Variants in HDAC9 observed in about 807,000 individuals in gnomAD.
The protein encoded by HDAC9 is histone deacetylase 9, also known as MEF-2 interacting transcription repressor (MITR) protein.
A neutral mutation model predicts 139.4 loss-of-function variants in HDAC9; 41 were observed. The ratio of observed to expected loss-of-function variants is 0.29; its 90% CI spans 0.23 to 0.38. The LOEUF (loss-of-function observed/expected upper bound fraction) is 0.38, where lower values mean the gene tolerates loss of function less well. Among genes scored for constraint, HDAC9 ranks in the 10% least tolerant of loss-of-function variants. HDAC9 has a pLI of 1.00. For synonymous variants in HDAC9, 517 were observed against 476.2 expected (o/e 1.09, Z -1.12); for missense variants, 1,147 against 1,297.0 (o/e 0.88, Z 1.78).
At chr7:18,645,004 ATAAC>A (rs1427963256) in intron 9 of HDAC9, among the ~76,000 whole-genome samples, 4 of 152,182 alleles carry the variant, frequency 2.6e-5, no homozygotes, top group Admixed American at 2.0e-4. Context: ...TGTAAACATA[ATAAC>A]TAACATTTGT....
At chr7:18,795,542 G>T (rs1429832388) in intron 17 of HDAC9, among the ~76,000 whole-genome samples, 1 of 152,168 alleles carries the variant, frequency 6.6e-6, no homozygotes, top group Non-Finnish European at 1.5e-5. Flanking sequence ...AGTTTGCTTT[G>T]ATGAACATTC....
At chr7:18,224,390 T>A (rs770733988) in intron 2 of HDAC9, among the ~76,000 whole-genome samples, 12 of 152,188 alleles carry the variant, frequency 7.9e-5, no homozygotes, top group Non-Finnish European at 1.5e-4. Context: ...AATTTAAAAT[T>A]GTATTTAAAA....
At chr7:18,415,743 A>G (rs1788990108) in intron 1 of HDAC9, among the ~76,000 whole-genome samples, 2 of 152,196 alleles carry the variant, frequency 1.3e-5, no homozygotes, top group Non-Finnish European at 2.9e-5. Context: ...TTGCAAGTGT[A>G]GTTCCTTTTA....
At chr7:18,305,417 C>T (rs185994615) in intron 1 of HDAC9, among the ~76,000 whole-genome samples, 6 of 152,270 alleles carry the variant, frequency 3.9e-5, no homozygotes, top group East Asian at 1.9e-4. Flanking sequence ...CCCACTTTCT[C>T]GACTAATTCT....
chr7:18,627,248 G>C (rs1841961239), intron 6 of HDAC9, among the ~76,000 whole-genome samples: 1 of 152,084 alleles, frequency 6.6e-6, no homozygotes, highest in African/African-American at 2.4e-5. Context: ...CTTTTGAAGT[G>C]ATCAATTGAT....
chr7:18,559,383 C>CT (rs891981384), intron 2 of HDAC9, among the ~76,000 whole-genome samples: 1 of 152,126 alleles, frequency 6.6e-6, no homozygotes, highest in Non-Finnish European at 1.5e-5. Context: ...ATTTCTCAGG[C>CT]TTGAGTGAGA....
Position 18,237,024 on chromosome 7 carries a change from G to T in HDAC9, c.25+74675G>T, listed in dbSNP as rs1366575664. Reference sequence around the variant, plus strand: ...CCTCTTAGTTCTGGGCAAGCCAGTAGAGTTAGTCACTCTGTTCGTATCCCA... The same window carrying T: ...CCTCTTAGTTCTGGGCAAGCCAGTATAGTTAGTCACTCTGTTCGTATCCCA... On this transcript the variant is annotated intron_variant, in intron 2 of 12. Coordinates refer to the HDAC9 transcript ENST00000417496. 3.9e-5 allele frequency among the ~76,000 whole-genome samples: 6 copies of T among 152,182 alleles called. No individual in the cohort carries two copies. In the South Asian group the frequency reaches 1.2e-3, roughly 31 times the overall value.
chr7:18,615,392 C>T (rs1414072007), intron 6 of HDAC9, among the ~76,000 whole-genome samples: 1 of 152,074 alleles, frequency 6.6e-6, no homozygotes. Context: ...AAGGGAAATA[C>T]TCCCATTCAA....
intron 2 of HDAC9, among the ~76,000 whole-genome samples, chr7:18,561,605 A>G (rs1820627440): frequency 6.6e-6 from 1 of 152,150 alleles, no homozygotes; most frequent in Non-Finnish European, 1.5e-5. Context: ...TCTCTTTTCC[A>G]TACTACCAGC....
chr7:18,253,829 G>A (rs1279736234), intron 2 of HDAC9, among the ~76,000 whole-genome samples: 1 of 152,188 alleles, frequency 6.6e-6, no homozygotes, highest in Non-Finnish European at 1.5e-5. Flanking sequence ...AGGAAGAAGT[G>A]TGGAGGATTG....
intron 1 of HDAC9, among the ~76,000 whole-genome samples, chr7:18,400,758 C>T (rs771007786): frequency 5.9e-5 from 9 of 152,124 alleles, no homozygotes; most frequent in Non-Finnish European, 1.3e-4. Context: ...AGTAGATGTA[C>T]GATGAAAGCC....
chr7:18,625,399 T>C lies in HDAC9; in HGVS notation c.665-3951T>C, dbSNP rs1053957008. ...TGATTGCCTGTCCCAGGGTTTCTCA[T>C]ACTTCGCACTATTAACATTTGGGTA... On this transcript the variant is annotated intron_variant, in intron 6 of 25. Coordinates refer to ENST00000686413, the MANE Select transcript of HDAC9 (RefSeq NM_178425.4). Among the ~76,000 whole-genome samples the C allele has an allele frequency of 5.9e-5, 9 of 152,210 alleles. No homozygotes were observed. In the East Asian group the frequency reaches 1.7e-3, roughly 29 times the overall value.
At chr7:18,823,984 A>T (rs1562966235) in intron 17 of HDAC9, among the ~76,000 whole-genome samples, 1 of 151,044 alleles carries the variant, frequency 6.6e-6, no homozygotes, top group Non-Finnish European at 1.5e-5. Flanking sequence ...TGAAAGAAGA[A>T]GAAGAAGAAG....
At chr7:18,826,343 A>C (rs1450794454) in intron 17 of HDAC9, among the ~76,000 whole-genome samples, 1 of 151,988 alleles carries the variant, frequency 6.6e-6, no homozygotes, top group Non-Finnish European at 1.5e-5. Context: ...ACTTGAGCAG[A>C]TTGTGGGAGA....
intron 2 of HDAC9, 45 bp downstream of exon 2, chr7:18,496,369 G>C: frequency 1.3e-6 from 2 of 1,549,770 alleles, no homozygotes; most frequent in African/African-American, 2.7e-5. Flanking sequence ...TTTGAAAGGG[G>C]GCTGGCTTGG....
intron 2 of HDAC9, among the ~76,000 whole-genome samples, chr7:18,578,000 C>G (rs1411039351): frequency 6.6e-6 from 1 of 152,142 alleles, no homozygotes; most frequent in Non-Finnish European, 1.5e-5. Flanking sequence ...CCCACTCACG[C>G]CCCCACTTCT....
At chr7:18,445,552 A>C (rs983892846) in intron 1 of HDAC9, among the ~76,000 whole-genome samples, 1 of 152,210 alleles carries the variant, frequency 6.6e-6, no homozygotes, top group Non-Finnish European at 1.5e-5. Context: ...TGAAAGAATT[A>C]CCTGTGATAT....
At chr7:18,544,183 A>G (rs1441869207) in intron 2 of HDAC9, among the ~76,000 whole-genome samples, 1 of 152,228 alleles carries the variant, frequency 6.6e-6, no homozygotes, top group Admixed American at 6.5e-5. Flanking sequence ...GCTTGGATCT[A>G]GGTGACAACA....
chr7:18,162,463 A>G, intron 2 of HDAC9: 1 of 957,622 alleles, frequency 1.0e-6, no homozygotes, highest in South Asian at 1.5e-5. Context: ...TTTTGGACAA[A>G]GATTGCTTAA....
Sources: gnomAD v4.1 joint callset for allele counts (sites outside exome capture counted in the v4.1 genomes callset) on GRCh38, gnomAD v4.1.1 for gene constraint, MANE v1.5 for transcripts, NCBI Gene and HGNC (gene_info 2026-07-23, HGNC 2026-07-21) for gene names.